CPNE5: variants seen among roughly 807,000 people sequenced by gnomAD.
The protein encoded by CPNE5 is copine-5.
A neutral mutation model predicts 81.1 loss-of-function variants in CPNE5; 42 were observed. The ratio of observed to expected loss-of-function variants is 0.52; its 90% CI spans 0.40 to 0.67. CPNE5 has a LOEUF of 0.67. CPNE5 is among the 30% of genes least tolerant of loss of function. The probability of loss-of-function intolerance (pLI) is 0.00; values close to 1 mark genes in which losing one functional copy is unlikely to be tolerated. For synonymous variants in CPNE5, 313 were observed against 321.5 expected, an observed-to-expected ratio of 0.97 and a Z score of 0.28; for missense variants, 612 against 815.5, an observed-to-expected ratio of 0.75 and a Z score of 3.04.
chr6:36,821,543 G>A (rs1285585072), intron 3 of CPNE5, among the ~76,000 whole-genome samples: 1 of 152,000 alleles, frequency 6.6e-6, no homozygotes, highest in Non-Finnish European at 1.5e-5. Flanking sequence ...CCTGTTACAA[G>A]GGACAAAAGG....
intron 14 of CPNE5, among the ~76,000 whole-genome samples, chr6:36,751,588 G>A (rs1170956310): frequency 2.6e-5 from 4 of 152,128 alleles, no homozygotes; most frequent in African/African-American, 9.7e-5. Flanking sequence ...TCAGGAGTTC[G>A]AGACCAGCCT....
At chr6:36,781,013 T>A (rs1181332655) in intron 8 of CPNE5, among the ~76,000 whole-genome samples, 3 of 152,146 alleles carry the variant, frequency 2.0e-5, no homozygotes, top group Non-Finnish European at 4.4e-5. Context: ...AGAGAACAAA[T>A]TACATTTCAC....
intron 8 of CPNE5, among the ~76,000 whole-genome samples, chr6:36,779,386 T>C (rs1767822281): frequency 6.6e-6 from 1 of 152,222 alleles, no homozygotes; most frequent in South Asian, 2.1e-4. Flanking sequence ...CATTACACTT[T>C]CACTGAGTGG....
intron 8 of CPNE5, among the ~76,000 whole-genome samples, chr6:36,781,403 T>C (rs1474978863): frequency 1.1e-5 from 1 of 88,838 alleles, no homozygotes; most frequent in Non-Finnish European, 2.2e-5. Flanking sequence ...AAAATAACTC[T>C]TGTTTCCCTA....
chr6:36,780,546 C>T (rs749207887), intron 8 of CPNE5, among the ~76,000 whole-genome samples: 1 of 152,212 alleles, frequency 6.6e-6, no homozygotes, highest in Non-Finnish European at 1.5e-5. Flanking sequence ...CAGTGCCCAT[C>T]TCATAGGCTC....
intron 3 of CPNE5, among the ~76,000 whole-genome samples, chr6:36,818,407 C>A (rs900370836): frequency 6.6e-6 from 1 of 152,138 alleles, no homozygotes; most frequent in Admixed American, 6.5e-5. Flanking sequence ...ATGCTCTGTT[C>A]TTTTGACCCA....
chr6:36,749,802 C>T (rs1216534116), intron 14 of CPNE5, among the ~76,000 whole-genome samples: 2 of 152,242 alleles, frequency 1.3e-5, no homozygotes, highest in African/African-American at 2.4e-5. Flanking sequence ...ACCTTTTCTC[C>T]ACATTTGCAT....
intron 12 of CPNE5, among the ~76,000 whole-genome samples, chr6:36,762,559 A>G (rs1041086031): frequency 6.6e-6 from 1 of 152,112 alleles, no homozygotes; most frequent in Non-Finnish European, 1.5e-5. Flanking sequence ...GCACAAGGCC[A>G]CCTCGAACTC....
chr6:36,768,881 C>T (rs577058909), intron 10 of CPNE5, among the ~76,000 whole-genome samples: 22 of 152,326 alleles, frequency 1.4e-4, no homozygotes, highest in Non-Finnish European at 2.8e-4. Flanking sequence ...AGGTCTGTTG[C>T]CCCGAGCAAC....
Position 36,742,479 on chromosome 6 carries a change from G to T in CPNE5, c.1571C>A (p.Pro524His), listed in dbSNP as rs1477409733. The change falls in exon 21 of 21, where the codon CCC (proline) becomes CAC (histidine). Residue 524 changes from proline to histidine, a missense_variant. Transcript: ENST00000244751. Reference protein sequence around the residue: ...LAERDIVQFVPFRDYVDRTGN... With the variant: ...LAERDIVQFVHFRDYVDRTGN... Reference sequence around the variant, plus strand: ...TGTGCGGTCCACGTAGTCCCGGAAGGGTACAAACTGGCAAGTGGGAGGGCA... The same window carrying T: ...TGTGCGGTCCACGTAGTCCCGGAAGTGTACAAACTGGCAAGTGGGAGGGCA... The T allele has an allele frequency of 1.9e-6, 3 of 1,610,794 alleles. No individual in the cohort carries two copies. The highest frequency in any genetic ancestry group is 1.7e-5 in the Admixed American group (1 of 59,984).
At chr6:36,827,038 G>A (rs1772559874) in intron 1 of CPNE5, among the ~76,000 whole-genome samples, 1 of 152,126 alleles carries the variant, frequency 6.6e-6, no homozygotes, top group Admixed American at 6.5e-5. Context: ...GGATGCTCAG[G>A]CACACTTGGT....
rs2150507011 is a variant in CPNE5, at chr6:36,792,048, C to T, written c.513G>A (p.Glu171=). 2 of 1,613,984 alleles carry T rather than the reference C, an allele frequency of 1.2e-6. No homozygotes were observed. The highest frequency in any genetic ancestry group is 4.5e-5 in the East Asian group (2 of 44,878). ...TGCCACTCACCCTACAGTTGCTGAG[C>T]TCCTCAGCGGACAGGATGATGGTGC... is the stretch of plus-strand genomic sequence containing the variant. ...KCGTIILSAE[E]LSNCRDVATM... Residue 171 remains glutamate (E), a synonymous_variant, in exon 8 of 21, where the codon GAG becomes GAA. Coordinates refer to ENST00000244751, the MANE Select transcript of CPNE5 (RefSeq NM_020939.2).
At chr6:36,783,334 T>C (rs373839454) in intron 8 of CPNE5, among the ~76,000 whole-genome samples, 1 of 124,092 alleles carries the variant, frequency 8.1e-6, no homozygotes, top group East Asian at 2.5e-4. Context: ...CAAGTTAACC[T>C]ACATAACAAA....
intron 8 of CPNE5, among the ~76,000 whole-genome samples, chr6:36,785,413 T>C (rs1307684700): frequency 6.6e-6 from 1 of 152,200 alleles, no homozygotes; most frequent in Non-Finnish European, 1.5e-5. Flanking sequence ...AAAGCTATAA[T>C]AAACAGAATA....
intron 12 of CPNE5, among the ~76,000 whole-genome samples, chr6:36,757,812 G>T (rs1003817289): frequency 7.2e-5 from 11 of 152,184 alleles, no homozygotes; most frequent in African/African-American, 2.7e-4. Flanking sequence ...AAGGCTCTGG[G>T]CACGGAGAGA....
At chr6:36,817,580 G>A (rs946382974) in intron 3 of CPNE5, among the ~76,000 whole-genome samples, 3 of 152,086 alleles carry the variant, frequency 2.0e-5, no homozygotes, top group Non-Finnish European at 4.4e-5. Flanking sequence ...CTCACATCCT[G>A]AACACCAGCC....
At chr6:36,778,175 CT>C (rs1708543355) in intron 9 of CPNE5, among the ~76,000 whole-genome samples, 2 of 152,338 alleles carry the variant, frequency 1.3e-5, no homozygotes, top group South Asian at 4.1e-4. Context: ...ACACAACAGG[CT>C]GCTGGGGAAG....
chr6:36,775,875 C>T (rs959667746), intron 9 of CPNE5, among the ~76,000 whole-genome samples: 1 of 151,996 alleles, frequency 6.6e-6, no homozygotes, highest in Non-Finnish European at 1.5e-5. Context: ...CCTGGCACTT[C>T]GTAGGTATTC....
chr6:36,831,441 C>A (rs1772980934), intron 1 of CPNE5, among the ~76,000 whole-genome samples: 1 of 152,000 alleles, frequency 6.6e-6, no homozygotes, highest in Non-Finnish European at 1.5e-5. Flanking sequence ...GCAACCTCCG[C>A]CTCCCAGGTT....
Sources: allele counts gnomAD v4.1 joint callset (sites outside exome capture counted in the v4.1 genomes callset), GRCh38; gene constraint gnomAD v4.1.1; transcripts MANE v1.5; gene names NCBI Gene and HGNC (gene_info 2026-07-23, HGNC 2026-07-21).